IQSEC1: variants seen among roughly 807,000 people sequenced by gnomAD.
IQSEC1 encodes the protein IQ motif and Sec7 domain ArfGEF 1.
A neutral mutation model predicts 91.0 loss-of-function variants in IQSEC1; 31 were observed. The ratio of observed to expected loss-of-function variants is 0.34; its 90% CI spans 0.26 to 0.46. IQSEC1 has a LOEUF of 0.46. Among genes scored for constraint, IQSEC1 ranks in the 20% least tolerant of loss-of-function variants. The pLI, the probability that IQSEC1 is intolerant of heterozygous loss-of-function variation, is 1.00. For synonymous variants in IQSEC1, 699 were observed against 662.6 expected (o/e 1.05, Z -0.84); for missense variants, 1,388 against 1,575.6 (o/e 0.88, Z 2.02).
At chr3:13,208,107 A>G (rs1266746033) in intron 1 of IQSEC1, among the ~76,000 whole-genome samples, 1 of 151,398 alleles carries the variant, frequency 6.6e-6, no homozygotes, top group East Asian at 1.9e-4. Flanking sequence ...ACATGGCAAG[A>G]CTTGGGTGGG....
intron 1 of IQSEC1, among the ~76,000 whole-genome samples, chr3:13,062,378 G>C (rs1248041910): frequency 2.0e-5 from 3 of 152,190 alleles, no homozygotes; most frequent in African/African-American, 7.2e-5. Context: ...ACCCTGCAAA[G>C]CTGGAATTAT....
At chr3:13,152,012 G>C (rs1271086119) in intron 2 of IQSEC1, among the ~76,000 whole-genome samples, 7 of 152,042 alleles carry the variant, frequency 4.6e-5, no homozygotes, top group African/African-American at 1.4e-4. Flanking sequence ...AAAAAAGAGA[G>C]AGTTCTATTC....
At chr3:13,174,786 G>A (rs183308104) in intron 1 of IQSEC1, among the ~76,000 whole-genome samples, 25 of 152,108 alleles carry the variant, frequency 1.6e-4, no homozygotes, top group Non-Finnish European at 2.6e-4. Flanking sequence ...TCGCTGGCAC[G>A]TCAAGCCAGC....
rs2125169703 is a variant in IQSEC1, at chr3:12,920,616, G to A, written c.1854-20C>T. 1 of 1,612,948 alleles carries A rather than the reference G, an allele frequency of 6.2e-7. No homozygotes were observed. Among genetic ancestry groups the A allele is most frequent in the East Asian group, 2.2e-5 (1 of 44,866 alleles). On this transcript the variant is annotated intron_variant, in intron 5 of 13. Transcript: ENST00000613206. ...CGCTGGCTGCGGGCCGGGAGGGAGG[G>A]GGTCAGGGCCATGGCGCAGCAAGTG...
intron 3 of IQSEC1, among the ~76,000 whole-genome samples, chr3:12,926,383 G>C (rs1025485855): frequency 6.6e-6 from 1 of 152,140 alleles, no homozygotes; most frequent in Admixed American, 6.5e-5. Flanking sequence ...TGACCCTGAA[G>C]GATGGGTGTC....
chr3:13,144,828 G>A (rs1313988377), intron 2 of IQSEC1, among the ~76,000 whole-genome samples: 1 of 152,244 alleles, frequency 6.6e-6, no homozygotes, highest in African/African-American at 2.4e-5. Context: ...TCCCACAGAA[G>A]AGGCTGGGGA....
upstream of IQSEC1, among the ~76,000 whole-genome samples, chr3:13,074,193 C>A (rs1270524891): frequency 6.6e-6 from 1 of 152,172 alleles, no homozygotes; most frequent in Admixed American, 6.5e-5. Flanking sequence ...GGGAAGGAGG[C>A]TTCTGCCATC....
In IQSEC1 at chr3:13,211,493, G is replaced by A. The variant is rs906791257; in HGVS notation, c.273-47360C>T. 1.3e-5 allele frequency among the ~76,000 whole-genome samples: 2 copies of A among 151,904 alleles called. No individual in the cohort carries two copies. The highest frequency in any genetic ancestry group is 1.3e-4 in the Admixed American group (2 of 15,276). On this transcript the variant is annotated intron_variant, in intron 1 of 15. Coordinates refer to the IQSEC1 transcript ENST00000648114. This position sits in a 1 kb window ranked among gnomAD's most constrained non-coding sequence, Gnocchi z 5.3. ...CCAACTCAGGGTCTCGGCTCTTCAG[G>A]CATCCACCCCCAAGTCCCCTTTTGG...
chr3:13,088,820 T>C (rs1299511246), intron 2 of IQSEC1, among the ~76,000 whole-genome samples: 1 of 152,184 alleles, frequency 6.6e-6, no homozygotes, highest in Non-Finnish European at 1.5e-5. Context: ...GTCATGCTTT[T>C]TGCCCAGGGG....
chr3:13,225,707 C>A (rs941581740), intron 1 of IQSEC1, among the ~76,000 whole-genome samples: 1 of 152,142 alleles, frequency 6.6e-6, no homozygotes, highest in Non-Finnish European at 1.5e-5. Flanking sequence ...CTTCTAAGGA[C>A]TCTGAGAAAG....
intron 1 of IQSEC1, among the ~76,000 whole-genome samples, chr3:13,215,112 A>T (rs1386823659): frequency 6.6e-6 from 1 of 151,692 alleles, no homozygotes; most frequent in Non-Finnish European, 1.5e-5. Flanking sequence ...AGAGAAGGTG[A>T]CTCTTTACCA....
intron 8 of IQSEC1, 40 bp downstream of exon 8, chr3:12,915,064 G>A (rs201388867): frequency 2.5e-6 from 4 of 1,580,280 alleles, no homozygotes; most frequent in East Asian, 2.3e-5. Flanking sequence ...TCCCCAGGGC[G>A]GCGGGCTACC....
intron 1 of IQSEC1, among the ~76,000 whole-genome samples, chr3:12,988,979 T>C (rs1200330626): frequency 2.0e-5 from 3 of 152,168 alleles, no homozygotes; most frequent in Non-Finnish European, 4.4e-5. Context: ...TGCCCAACGA[T>C]GCAAAGCAAG....
Position 12,924,213 on chromosome 3 carries a change from C to A in IQSEC1, c.1730+368G>T, listed in dbSNP as rs1215905284. Among the ~76,000 whole-genome samples the A allele has an allele frequency of 1.3e-5, 2 of 152,188 alleles. No individual in the cohort carries two copies. The highest frequency in any genetic ancestry group is 4.8e-5 in the African/African-American group (2 of 41,446). ...CTGACGTCCAGCTGCCTGCTCCTGCCAGCCCTGCCATGAGAAGCTGCAGGA... is the reference window on the plus strand; with the variant it reads ...CTGACGTCCAGCTGCCTGCTCCTGCAAGCCCTGCCATGAGAAGCTGCAGGA... On this transcript the variant is annotated intron_variant, in intron 4 of 13. Transcript: ENST00000613206. The surrounding 1 kb of genome is among the most constrained non-coding windows in gnomAD (Gnocchi z 6.3).
rs139834888 is a variant in IQSEC1, at chr3:13,061,717, G to A, written c.23+11275C>T. ...GCACACTACTGAGGCTGCCAGCTCCGTCCAGACTTGCCCCAAACTGCCAGG... is the reference window on the plus strand; with the variant it reads ...GCACACTACTGAGGCTGCCAGCTCCATCCAGACTTGCCCCAAACTGCCAGG... On this transcript the variant is annotated intron_variant, in intron 1 of 13. Coordinates refer to ENST00000613206, the MANE Select transcript of IQSEC1 (RefSeq NM_001134382.3). Among the ~76,000 whole-genome samples the A allele has an allele frequency of 4.6e-4, 70 of 152,332 alleles. 2 individuals are homozygous for A. In the East Asian group the frequency reaches 0.011, roughly 24 times the overall value.
intron 2 of IQSEC1, among the ~76,000 whole-genome samples, chr3:13,161,326 A>C (rs1231657596): frequency 6.6e-6 from 1 of 152,146 alleles, no homozygotes; most frequent in Non-Finnish European, 1.5e-5. Context: ...CCGTGGTCAC[A>C]CTTTAGTTTT....
In IQSEC1 at chr3:12,899,462, G is replaced by C; in HGVS notation, c.*1521C>G. 6.2e-7 allele frequency: 1 copy of C among 1,603,768 alleles called. No homozygotes were observed. Among genetic ancestry groups the C allele is most frequent in the Non-Finnish European group, 8.5e-7 (1 of 1,175,820 alleles). On this transcript the variant is annotated 3_prime_UTR_variant, in exon 14 of 14. Transcript: ENST00000613206. ...ACAAAGTATGGCCCGTGGGTGACTC[G>C]GGCACAGACCTGCCGCGTGCAGGTC...
chr3:13,248,550 CT>C (rs1335763107), intron 1 of IQSEC1, among the ~76,000 whole-genome samples: 4 of 152,212 alleles, frequency 2.6e-5, no homozygotes, highest in Non-Finnish European at 4.4e-5. Flanking sequence ...ACACCATCCC[CT>C]TCTCCAGGAG....
intron 1 of IQSEC1, among the ~76,000 whole-genome samples, chr3:13,219,971 G>A (rs575876689): frequency 2.6e-4 from 39 of 152,328 alleles, no homozygotes; most frequent in African/African-American, 8.2e-4. Context: ...ACTCCTCACC[G>A]GAAACCTGAA....
Sources: gnomAD v4.1 joint callset for allele counts (sites outside exome capture counted in the v4.1 genomes callset) on GRCh38, gnomAD v4.1.1 for gene constraint, Gnocchi (gnomAD v3.1) non-coding constraint, MANE v1.5 for transcripts, NCBI Gene and HGNC (gene_info 2026-07-23, HGNC 2026-07-21) for gene names.